Variants in WWC2 observed in about 807,000 individuals in gnomAD.
WWC2 encodes protein WWC2.
A neutral mutation model predicts 138.5 loss-of-function variants in WWC2; 101 were observed. The ratio of observed to expected loss-of-function variants is 0.73; its 90% CI spans 0.62 to 0.86. The LOEUF (loss-of-function observed/expected upper bound fraction) is 0.86. Among genes scored for constraint, WWC2 ranks in the 40% least tolerant of loss-of-function variants. The pLI is 0.00. For missense variants in WWC2, 1,420 were observed against 1,419.4 expected, an observed-to-expected ratio of 1.00 and a Z score of -0.01; for synonymous variants, 558 against 538.4, an observed-to-expected ratio of 1.04 and a Z score of -0.50.
At chr4:183,265,257 C>G in intron 12 of WWC2, 150 bp downstream of exon 12, 2 of 1,137,228 alleles carry the variant, frequency 1.8e-6, no homozygotes, top group South Asian at 2.3e-5. Flanking sequence ...CTGAAAAGTT[C>G]AGTATATCAA....
chr4:183,289,498 C>G lies in WWC2; in HGVS notation c.3247C>G (p.Leu1083Val), dbSNP rs751009182. The change falls in exon 21 of 23, where the codon CTC (leucine) becomes GTC (valine). Residue 1083 changes from leucine (L) to valine (V), a missense_variant. Leu to Val is a conservative substitution (Grantham distance 32). Transcript: ENST00000403733. ...LQASLTRQSR[L>V]NDELQALRDL... Reference sequence around the variant, plus strand: ...GGCATCTCTGACCCGGCAGAGCCGCCTCAATGATGAGCTGCAGGCGCTGAG... The same window carrying G: ...GGCATCTCTGACCCGGCAGAGCCGCGTCAATGATGAGCTGCAGGCGCTGAG... The G allele has an allele frequency of 6.8e-6, 11 of 1,613,810 alleles. No individual in the cohort carries two copies. Among genetic ancestry groups the G allele is most frequent in the Non-Finnish European group, 5.1e-6 (6 of 1,179,856 alleles).
intron 4 of WWC2, among the ~76,000 whole-genome samples, chr4:183,220,515 T>A (rs1318069882): frequency 1.3e-5 from 2 of 151,018 alleles, no homozygotes; most frequent in South Asian, 2.1e-4. Context: ...TGCTGATTCC[T>A]GCCCTAGAGT....
rs1202529547 is a variant in WWC2 at position 183,229,857 on chromosome 4, G to A, written c.523-10326G>A. ...TGTTATTGTTTTGAGACAGAGTCTC[G>A]CTCTTTCGCCAAGGCTGGAGTGCAG... On this transcript the variant is annotated intron_variant, in intron 4 of 22. Coordinates refer to ENST00000403733, the MANE Select transcript of WWC2 (RefSeq NM_024949.6). 6.6e-5 allele frequency among the ~76,000 whole-genome samples: 10 copies of A among 151,984 alleles called. No individual in the cohort carries two copies. In the South Asian group the frequency reaches 1.2e-3, roughly 19 times the overall value.
At chr4:183,138,436 G>C (rs1337015950) in intron 1 of WWC2, among the ~76,000 whole-genome samples, 2 of 152,182 alleles carry the variant, frequency 1.3e-5, no homozygotes, top group Non-Finnish European at 2.9e-5. Flanking sequence ...GTGGTCTGCA[G>C]ACCAAGTCTG....
chr4:183,106,792 G>T (rs751770834), intron 1 of WWC2, among the ~76,000 whole-genome samples: 1 of 152,084 alleles, frequency 6.6e-6, no homozygotes, highest in Non-Finnish European at 1.5e-5. Flanking sequence ...ATATTCGATT[G>T]TGTAGATATA....
At chr4:183,136,118 C>T (rs1347821919) in intron 1 of WWC2, among the ~76,000 whole-genome samples, 1 of 152,008 alleles carries the variant, frequency 6.6e-6, no homozygotes, top group African/African-American at 2.4e-5. Context: ...TCTTGAGATC[C>T]ACTAGGCCTC....
intron 16 of WWC2, among the ~76,000 whole-genome samples, chr4:183,279,419 A>T (rs1271467302): frequency 6.6e-6 from 1 of 152,026 alleles, no homozygotes; most frequent in Admixed American, 6.6e-5. Flanking sequence ...TTCATCAAGG[A>T]TATTGGTCTA....
chr4:183,249,638 A>G (rs540717837), intron 7 of WWC2, among the ~76,000 whole-genome samples: 1 of 152,330 alleles, frequency 6.6e-6, no homozygotes, highest in South Asian at 2.1e-4. Flanking sequence ...GATACCAGAC[A>G]CATTTACCTT....
chr4:183,270,216 C>T (rs1451666042), intron 15 of WWC2, among the ~76,000 whole-genome samples: 1 of 152,094 alleles, frequency 6.6e-6, no homozygotes, highest in Admixed American at 6.5e-5. Context: ...GTCAGAGGCT[C>T]CCACAAAGTT....
intron 2 of WWC2, among the ~76,000 whole-genome samples, chr4:183,195,891 A>G (rs1208229947): frequency 6.6e-6 from 1 of 152,060 alleles, no homozygotes; most frequent in Non-Finnish European, 1.5e-5. Flanking sequence ...TCCCATCTAA[A>G]TCTCATGCTG....
chr4:183,101,334 T>C (rs1328092581), intron 1 of WWC2, among the ~76,000 whole-genome samples: 3 of 152,370 alleles, frequency 2.0e-5, no homozygotes, highest in Non-Finnish European at 2.9e-5. Flanking sequence ...CACTACTTTT[T>C]TCACAAGTCA....
chr4:183,282,430 A>G (rs112618281), intron 17 of WWC2, among the ~76,000 whole-genome samples: 29 of 152,304 alleles, frequency 1.9e-4, no homozygotes, highest in African/African-American at 7.0e-4. Flanking sequence ...CTATAATGTG[A>G]TTTTCAGAAT....
chr4:183,305,957 A>AAATGAGTGGCAGC (rs1373212283), intron 21 of WWC2, among the ~76,000 whole-genome samples: 1 of 152,220 alleles, frequency 6.6e-6, no homozygotes, highest in Admixed American at 6.5e-5. Flanking sequence ...CGTATAAGTG[A>AAATGAGTGGCAGC]AATGAGTGGC....
intron 4 of WWC2, among the ~76,000 whole-genome samples, chr4:183,237,150 T>C (rs1736452434): frequency 2.0e-5 from 3 of 152,244 alleles, no homozygotes; most frequent in African/African-American, 7.2e-5. Context: ...AAGCTTGTTT[T>C]ATAGTTTTCA....
At chr4:183,246,321 G>A (rs1014579083) in intron 6 of WWC2, among the ~76,000 whole-genome samples, 1 of 152,038 alleles carries the variant, frequency 6.6e-6, no homozygotes, top group Non-Finnish European at 1.5e-5. Context: ...ACTTAGCTGA[G>A]GGATAATTTA....
chr4:183,216,405 A>C (rs898179281), intron 4 of WWC2, among the ~76,000 whole-genome samples: 2 of 152,222 alleles, frequency 1.3e-5, no homozygotes, highest in Non-Finnish European at 2.9e-5. Context: ...TATTGGTGAA[A>C]TAGGCTCAAC....
At chr4:183,233,412 C>T (rs576873368) in intron 4 of WWC2, among the ~76,000 whole-genome samples, 2 of 152,200 alleles carry the variant, frequency 1.3e-5, no homozygotes, top group South Asian at 2.1e-4. Flanking sequence ...CCACCTCCGC[C>T]TCCCAAAGTG....
intron 1 of WWC2, among the ~76,000 whole-genome samples, chr4:183,127,210 A>G (rs1732786614): frequency 6.6e-6 from 1 of 152,198 alleles, no homozygotes; most frequent in Non-Finnish European, 1.5e-5. Context: ...TTATTCCTTA[A>G]GGAAAGCAAG....
chr4:183,264,909 GT>G, intron 11 of WWC2, 68 bp from the exon 12 acceptor site: 1 of 1,459,656 alleles, frequency 6.9e-7, no homozygotes, highest in Non-Finnish European at 9.1e-7. Flanking sequence ...ACCAAACTAT[GT>G]ATGTATTTAA....
Sources: gnomAD v4.1 joint callset for allele counts (sites outside exome capture counted in the v4.1 genomes callset) on GRCh38, gnomAD v4.1.1 for gene constraint, MANE v1.5 for transcripts, NCBI Gene and HGNC (gene_info 2026-07-23, HGNC 2026-07-21) for gene names.